The following ROBO2 variants were observed in gnomAD, a reference collection of about 807,000 sequenced individuals.
ROBO2 encodes the protein roundabout guidance receptor 2, also known as roundabout homolog 2.
In ROBO2, 53 loss-of-function variants were observed where a neutral mutation model predicts 160.8. The observed-to-expected ratio is 0.33, with a 90% confidence interval of 0.26 to 0.41. The LOEUF (loss-of-function observed/expected upper bound fraction) is 0.41. ROBO2 is among the 10% of genes least tolerant of loss of function. ROBO2 has a pLI of 1.00. For missense variants in ROBO2, 1,577 were observed against 1,722.4 expected (o/e 0.92, Z 1.49); for synonymous variants, 664 against 611.7 (o/e 1.09, Z -1.26).
chr3:76,313,171 G>A (rs759214521), intron 2 of ROBO2, among the ~76,000 whole-genome samples: 1 of 152,190 alleles, frequency 6.6e-6, no homozygotes, highest in Non-Finnish European at 1.5e-5. Flanking sequence ...AACTTTAAAC[G>A]TGTTGACTGT....
At position 77,556,360 on chromosome 3, in the gene ROBO2, T is replaced by C. The variant is rs894417626; in HGVS notation, c.1232-1584T>C. Among the ~76,000 whole-genome samples the C allele has an allele frequency of 2.6e-5, 4 of 152,098 alleles. No individual in the cohort carries two copies. The East Asian group carries it at 7.8e-4, about 29-fold the overall frequency. Reference sequence around the variant, plus strand: ...AAAAAAGCAGTGAAATAAATGATTCTAATTTTTGTTTGTGAATGATAAACA... The same window carrying C: ...AAAAAAGCAGTGAAATAAATGATTCCAATTTTTGTTTGTGAATGATAAACA... On this transcript the variant is annotated intron_variant, in intron 8 of 25. Coordinates refer to ENST00000461745, the Ensembl canonical transcript of ROBO2.
At chr3:77,198,060 G>A (rs2082469949) in intron 2 of ROBO2, among the ~76,000 whole-genome samples, 1 of 152,220 alleles carries the variant, frequency 6.6e-6, no homozygotes, top group African/African-American at 2.4e-5. Flanking sequence ...TACAGTGCCT[G>A]ACACATAGTA....
At chr3:76,910,745 G>GA (rs1217583722) in intron 2 of ROBO2, among the ~76,000 whole-genome samples, 4 of 56,560 alleles carry the variant, frequency 7.1e-5, no homozygotes, top group Non-Finnish European at 1.1e-4. Flanking sequence ...AAAAAAAAAA[G>GA]AAAAAAAAAG....
chr3:77,291,530 CTGAGGCTAGATCACCCCAGACATAAAGTA>C (rs2061256363), intron 2 of ROBO2, among the ~76,000 whole-genome samples: 1 of 150,064 alleles, frequency 6.7e-6, no homozygotes, highest in South Asian at 2.1e-4. Flanking sequence ...AAAGGGTAGG[CTGAGGCTAGATCACCCCAGACATAAAGTA>C]AAATTGATGG....
At chr3:76,272,609 G>A (rs564032786) in intron 2 of ROBO2, among the ~76,000 whole-genome samples, 1 of 121,882 alleles carries the variant, frequency 8.2e-6, no homozygotes, top group African/African-American at 2.8e-5. Context: ...GTTGCAGTGA[G>A]CTGAGATCAT....
chr3:76,836,578 A>G (rs1360777487), intron 2 of ROBO2, among the ~76,000 whole-genome samples: 1 of 151,434 alleles, frequency 6.6e-6, no homozygotes, highest in East Asian at 1.9e-4. Context: ...CATACTTTCT[A>G]ATTTCCTTTA....
At chr3:77,129,533 C>T (rs993714263) in intron 2 of ROBO2, among the ~76,000 whole-genome samples, 11 of 152,226 alleles carry the variant, frequency 7.2e-5, no homozygotes, top group African/African-American at 2.4e-4. Context: ...AAAAAGTTGT[C>T]GAGATGCTTG....
At chr3:77,219,095 A>G (rs949473104) in intron 2 of ROBO2, among the ~76,000 whole-genome samples, 8 of 151,802 alleles carry the variant, frequency 5.3e-5, no homozygotes, top group African/African-American at 1.9e-4. Flanking sequence ...CAGCCTCCTG[A>G]GTAGCTGGGA....
chr3:76,335,700 C>G (rs972444069), intron 2 of ROBO2, among the ~76,000 whole-genome samples: 11 of 151,960 alleles, frequency 7.2e-5, no homozygotes, highest in Admixed American at 7.2e-4. Flanking sequence ...GCCTCAGCCT[C>G]CCGAGCAGCT....
intron 2 of ROBO2, among the ~76,000 whole-genome samples, chr3:76,942,157 T>C (rs1033304730): frequency 6.6e-6 from 1 of 152,206 alleles, no homozygotes; most frequent in African/African-American, 2.4e-5. Context: ...TACTTAGAAA[T>C]GGGAGATTTA....
chr3:76,304,780 TTCTTTCTTTCTTTCTTTCTC>T lies in ROBO2; in HGVS notation c.109+367180_109+367199del, dbSNP rs1447218499. On this transcript the variant is annotated intron_variant, in intron 2 of 26. Coordinates refer to the ROBO2 transcript ENST00000487694. ...TTTCTTTCTTTCTTTCTTTCTTTCT[TTCTTTCTTTCTTTCTTTCTC>T]TTTCTTTTTTTTTGTCTGTGTGTGT... Among the ~76,000 whole-genome samples, 3 of 151,058 alleles carry T rather than the reference TTCTTTCTTTCTTTCTTTCTC, an allele frequency of 2.0e-5. No individual in the cohort carries two copies. The East Asian group carries it at 5.8e-4, about 29-fold the overall frequency.
chr3:77,200,635 T>G (rs2082821042), intron 2 of ROBO2, among the ~76,000 whole-genome samples: 1 of 152,004 alleles, frequency 6.6e-6, no homozygotes, highest in Non-Finnish European at 1.5e-5. Flanking sequence ...TTGTAAAGCT[T>G]TATCAGAAGG....
chr3:76,663,257 G>C (rs2091898857), intron 2 of ROBO2, among the ~76,000 whole-genome samples: 1 of 152,196 alleles, frequency 6.6e-6, no homozygotes, highest in Non-Finnish European at 1.5e-5. Flanking sequence ...AATTCAGTTA[G>C]AGAAATCAGG....
intron 24 of ROBO2, chr3:77,642,822 C>T (rs1179593372): frequency 2.2e-6 from 1 of 456,522 alleles, no homozygotes; most frequent in Non-Finnish European, 4.4e-6. Context: ...ACACAAAGAG[C>T]TCATTGGATT....
chr3:75,956,980 G>A (rs1182978293), intron 2 of ROBO2, among the ~76,000 whole-genome samples: 1 of 151,506 alleles, frequency 6.6e-6, no homozygotes, highest in Non-Finnish European at 1.5e-5. Flanking sequence ...TTATTTTAGG[G>A]CATACAGTTG....
At chr3:76,206,797 T>C (rs949123516) in intron 2 of ROBO2, among the ~76,000 whole-genome samples, 10 of 152,130 alleles carry the variant, frequency 6.6e-5, no homozygotes, top group South Asian at 2.1e-4. Context: ...CCATGGAAGA[T>C]TGTGAGAATA....
chr3:76,749,540 T>G (rs2093946243), intron 2 of ROBO2, among the ~76,000 whole-genome samples: 1 of 152,046 alleles, frequency 6.6e-6, no homozygotes, highest in Non-Finnish European at 1.5e-5. Flanking sequence ...TTGAGTAGAA[T>G]TTATCAAGAA....
chr3:77,037,449 G>A (rs1252146405), upstream of ROBO2, among the ~76,000 whole-genome samples: 1 of 152,246 alleles, frequency 6.6e-6, no homozygotes, highest in East Asian at 1.9e-4. Flanking sequence ...AGGTAAAGTA[G>A]TTAAGAATGC....
At position 77,339,763 on chromosome 3, in the gene ROBO2, T is replaced by A. The variant is rs183368478; in HGVS notation, c.389-137651T>A. ...GCTTTAGGCATTATAATATATATTT[T>A]AAAAAAAAAGAGTTGGAGTGGCTAG... On this transcript the variant is annotated intron_variant, in intron 2 of 25. Transcript: ENST00000461745. Among the ~76,000 whole-genome samples the A allele has an allele frequency of 4.8e-3, 722 of 151,176 alleles. 8 individuals are homozygous for A. Among genetic ancestry groups the A allele is most frequent in the African/African-American group, 0.016 (653 of 41,218 alleles).
Sources: gnomAD v4.1 joint callset for allele counts (sites outside exome capture counted in the v4.1 genomes callset) on GRCh38, gnomAD v4.1.1 for gene constraint, MANE v1.5 for transcripts, NCBI Gene and HGNC (gene_info 2026-07-23, HGNC 2026-07-21) for gene names.